Variants in RPAP1 observed in about 807,000 individuals in gnomAD.
The protein encoded by RPAP1 is RNA polymerase II associated protein 1.
A neutral mutation model predicts 142.4 loss-of-function variants in RPAP1; 109 were observed. That is an observed-to-expected ratio of 0.77 (90% confidence interval 0.66 to 0.90). RPAP1 has a LOEUF of 0.90. Among genes scored for constraint, RPAP1 ranks in the 40% least tolerant of loss-of-function variants. The pLI is 0.00. For synonymous variants in RPAP1, 704 were observed against 738.9 expected, an observed-to-expected ratio of 0.95 and a Z score of 0.77; for missense variants, 1,546 against 1,751.7, an observed-to-expected ratio of 0.88 and a Z score of 2.10.
chr15:41,541,031 C>G (rs10152274), intron 1 of RPAP1, among the ~76,000 whole-genome samples: 5,847 of 152,054 alleles, frequency 0.038, 362 homozygotes, highest in African/African-American at 0.13. Context: ...CAAATGTCAC[C>G]TCAGAAAAAA....
Position 41,524,976 on chromosome 15 carries a change from C to T in RPAP1, c.2075+15G>A. On this transcript the variant is annotated intron_variant, in intron 15 of 24. Coordinates refer to ENST00000304330, the MANE Select transcript of RPAP1 (RefSeq NM_015540.4). ...GAAGGTGTCTAGGGGGAGCCTACCC[C>T]CTGCCTCTCCTCACCTGTAAAGGTA... 6.2e-7 allele frequency: 1 copy of T among 1,611,990 alleles called. No homozygotes were observed. The highest frequency in any genetic ancestry group is 8.5e-7 in the Non-Finnish European group (1 of 1,179,472).
At chr15:41,531,620 TATATA>T (rs1566887892) in intron 6 of RPAP1, among the ~76,000 whole-genome samples, 3 of 18,104 alleles carry the variant, frequency 1.7e-4, no homozygotes, top group African/African-American at 2.9e-4. Flanking sequence ...TATATATATA[TATATA>T]TATTTTTTTT....
chr15:41,517,677 G>A lies in RPAP1; in HGVS notation c.4047C>T (p.His1349=), dbSNP rs143274471. Residue 1349 remains histidine, a synonymous_variant, in exon 25 of 25, where the codon CAC becomes CAT. Coordinates refer to ENST00000304330, the MANE Select transcript of RPAP1 (RefSeq NM_015540.4). ...WLLADEGLRQ[H]LLHYKLPNST... ...AATTGGGAAGCTTATAGTGCAGGAGGTGCTGCCGGAGACCCTGCAGAAAGG... is the reference window on the plus strand; with the variant it reads ...AATTGGGAAGCTTATAGTGCAGGAGATGCTGCCGGAGACCCTGCAGAAAGG... 4.9e-4 allele frequency: 788 copies of A among 1,612,616 alleles called. 1 individual carries two copies. The highest frequency in any genetic ancestry group is 6.4e-4 in the Non-Finnish European group (760 of 1,179,030).
chr15:41,524,337 C>G (rs2051766588), intron 15 of RPAP1, 83 bp from the exon 16 acceptor site: 1 of 1,258,162 alleles, frequency 7.9e-7, no homozygotes, highest in Non-Finnish European at 1.1e-6. Flanking sequence ...ACCCAGGGAT[C>G]TGCAGTTTGA....
intron 6 of RPAP1, 99 bp from the exon 7 acceptor site, chr15:41,531,301 A>G: frequency 8.2e-7 from 1 of 1,219,866 alleles, no homozygotes; most frequent in Non-Finnish European, 1.2e-6. Flanking sequence ...GTGGGTGCCA[A>G]GGACAGGACA....
rs759303173 is a variant in RPAP1, at chr15:41,517,878, G to A, written c.3973-21C>T. 1.7e-5 allele frequency: 27 copies of A among 1,614,028 alleles called. No homozygotes were observed. The East Asian group carries it at 2.0e-4, about 12-fold the overall frequency. ...TCATCCTAGAAGCAGAACAGGGAGAGGTGGCACTGAGCCGAGGGCTGGTAC... is the reference window on the plus strand; with the variant it reads ...TCATCCTAGAAGCAGAACAGGGAGAAGTGGCACTGAGCCGAGGGCTGGTAC... On this transcript the variant is annotated intron_variant, in intron 23 of 24. Coordinates refer to ENST00000304330, the MANE Select transcript of RPAP1 (RefSeq NM_015540.4).
At chr15:41,537,229 C>A in intron 1 of RPAP1, 28 bp from the exon 2 acceptor site, 1 of 1,121,016 alleles carries the variant, frequency 8.9e-7, no homozygotes, top group African/African-American at 1.6e-5. Context: ...TATGGGCCCT[C>A]TGCAACTGAA....
chr15:41,535,448 A>C, intron 5 of RPAP1, 64 bp downstream of exon 5: 2 of 1,528,854 alleles, frequency 1.3e-6, no homozygotes, highest in Non-Finnish European at 1.8e-6. Context: ...CATATCTTCA[A>C]AAATGACCCT....
At chr15:41,523,693 CAG>C in intron 17 of RPAP1, 76 bp downstream of exon 17, 1 of 1,252,800 alleles carries the variant, frequency 8.0e-7, no homozygotes, top group Non-Finnish European at 1.1e-6. Context: ...GAGATGGACA[CAG>C]AGAGGGAGCA....
chr15:41,543,174 G>T (rs1191737510), intron 1 of RPAP1, among the ~76,000 whole-genome samples: 1 of 148,480 alleles, frequency 6.7e-6, no homozygotes, highest in Non-Finnish European at 1.5e-5. Context: ...CTAAATGTGC[G>T]AAATTAGGCA....
At chr15:41,543,490 G>A (rs1232510013) in intron 1 of RPAP1, among the ~76,000 whole-genome samples, 1 of 152,114 alleles carries the variant, frequency 6.6e-6, no homozygotes, top group Non-Finnish European at 1.5e-5. Flanking sequence ...TGGGATTACA[G>A]GCGTGAGCCA....
intron 3 of RPAP1, 61 bp from the exon 4 acceptor site, chr15:41,536,279 G>T: frequency 6.7e-7 from 1 of 1,498,382 alleles, no homozygotes; most frequent in Non-Finnish European, 9.3e-7. Context: ...GGCTGGACCC[G>T]ATCCTATTAG....
chr15:41,523,244 CCTA>C lies in RPAP1; in HGVS notation c.2544_2546del (p.Arg849del). On this transcript the variant is annotated inframe_deletion and splice_region_variant, in exon 18 of 25. Transcript: ENST00000304330. ...CCCCAGCTACCAAACACAGTACATA[CCTA>C]AGGGAATCCCACAGGCTGCCCAGTG... The C allele has an allele frequency of 6.3e-7, 1 of 1,584,360 alleles. No individual in the cohort carries two copies. Among genetic ancestry groups the C allele is most frequent in the Non-Finnish European group, 8.6e-7 (1 of 1,162,886 alleles).
chr15:41,527,827 C>T, intron 11 of RPAP1, 33 bp downstream of exon 11: 1 of 1,612,252 alleles, frequency 6.2e-7, no homozygotes, highest in Non-Finnish European at 8.5e-7. Context: ...CTGGCACCTC[C>T]CAGCCCAAGC....
Position 41,529,882 on chromosome 15 carries a change from C to T in RPAP1, c.1041G>A (p.Arg347=). Residue 347 remains arginine (R), a synonymous_variant, in exon 8 of 25, where the codon CGG becomes CGA. Transcript: ENST00000304330. ...TCCTCACCTCCTGTGTCTGCTGCCGCCGGACAGGGGGCAAGTCCTGGGTCC... is the reference window on the plus strand; with the variant it reads ...TCCTCACCTCCTGTGTCTGCTGCCGTCGGACAGGGGGCAAGTCCTGGGTCC... ...LHWTQDLPPV[R]RQQTQERMQA... The T allele has an allele frequency of 6.2e-7, 1 of 1,610,106 alleles. No homozygotes were observed. Among genetic ancestry groups the T allele is most frequent in the Non-Finnish European group, 8.5e-7 (1 of 1,178,018 alleles).
Position 41,537,073 on chromosome 15 carries a change from T to C in RPAP1, c.53A>G (p.Gln18Arg). The C allele has an allele frequency of 6.2e-7, 1 of 1,614,178 alleles. No individual in the cohort carries two copies. Among genetic ancestry groups the C allele is most frequent in the Non-Finnish European group, 8.5e-7 (1 of 1,180,032 alleles). The change falls in exon 2 of 25, where the codon CAG becomes CGG. Residue 18 changes from glutamine (Q) to arginine (R), a missense_variant. By Grantham distance (43) the Gln-to-Arg change is conservative. Around this residue, in one of 3 missense-constraint regions of RPAP1, gnomAD observed 1,333 missense variants for 1,486.6 expected, o/e 0.90. Transcript: ENST00000304330. ...GESEVDLLHF[Q>R]SQFLAAGAAP... The stretch of plus-strand genomic sequence containing the variant: ...TGCACCAGCTGCGAGAAACTGACTC[T>C]GGAAGTGCAGCAGGTCCACCTCGGA...
intron 6 of RPAP1, among the ~76,000 whole-genome samples, chr15:41,532,591 A>C (rs886873102): frequency 1.4e-4 from 22 of 152,270 alleles, no homozygotes; most frequent in African/African-American, 4.8e-4. Context: ...AGAGTAGAAG[A>C]GACTATACAT....
intron 1 of RPAP1, among the ~76,000 whole-genome samples, chr15:41,538,103 C>T (rs553313412): frequency 4.1e-4 from 62 of 151,966 alleles, no homozygotes; most frequent in Non-Finnish European, 6.6e-4. Flanking sequence ...ACTAGCCGGG[C>T]GTGGTGGCGG....
chr15:41,520,464 C>G lies in RPAP1; in HGVS notation c.3722G>C (p.Ser1241Thr). 1 of 1,614,140 alleles carries G rather than the reference C, an allele frequency of 6.2e-7. No individual in the cohort carries two copies. The highest frequency in any genetic ancestry group is 8.5e-7 in the Non-Finnish European group (1 of 1,179,998). ...AAAGAGGGCAAGGCGCAAGGTGACA[C>G]TGAACCGACGCTGCAGGGGCAGGAG... ...LVLLPLQRRF[S>T]VTLRLALFGE... The change falls in exon 22 of 25, where the codon AGT (serine) becomes ACT (threonine). Residue 1241 changes from serine (S) to threonine (T), a missense_variant. By Grantham distance (58) the Ser-to-Thr change is moderately conservative (BLOSUM62 1). Around this residue, in one of 3 missense-constraint regions of RPAP1, gnomAD observed 210 missense variants for 248.0 expected, o/e 0.85. Coordinates refer to ENST00000304330, the MANE Select transcript of RPAP1 (RefSeq NM_015540.4).
Sources: allele counts gnomAD v4.1 joint callset (sites outside exome capture counted in the v4.1 genomes callset), GRCh38; gene constraint gnomAD v4.1.1; regional missense constraint gnomAD v4.1.1; transcripts MANE v1.5; gene names NCBI Gene and HGNC (gene_info 2026-07-23, HGNC 2026-07-21).